The following MPDZ variants were observed in gnomAD, a reference collection of about 807,000 sequenced individuals.
MPDZ encodes multiple PDZ domain protein.
Under a neutral mutation model 239.1 loss-of-function variants are expected in MPDZ, and 234 were observed. That is an observed-to-expected ratio of 0.98 (90% CI 0.88 to 1.09). MPDZ has a LOEUF of 1.09. Among genes scored for constraint, MPDZ ranks in the 50% least tolerant of loss-of-function variants. MPDZ has a pLI of 0.00. For missense variants in MPDZ, 3,175 were observed against 2,510.0 expected, an observed-to-expected ratio of 1.26 and a Z score of -5.66; for synonymous variants, 1,048 against 881.3, an observed-to-expected ratio of 1.19 and a Z score of -3.35.
intron 21 of MPDZ, among the ~76,000 whole-genome samples, 181 bp downstream of exon 21, chr9:13,175,571 A>G (rs1952359761): frequency 6.6e-6 from 1 of 152,200 alleles, no homozygotes; most frequent in Non-Finnish European, 1.5e-5. Flanking sequence ...GCTCATATGA[A>G]GTAAACAAAC....
chr9:13,203,605 C>A (rs1490301381), intron 12 of MPDZ, among the ~76,000 whole-genome samples: 10 of 152,060 alleles, frequency 6.6e-5, no homozygotes. Flanking sequence ...TATCTTACCC[C>A]TTGTCTGAGG....
At chr9:13,226,570 T>C (rs1390299530) in intron 3 of MPDZ, among the ~76,000 whole-genome samples, 1 of 152,110 alleles carries the variant, frequency 6.6e-6, no homozygotes, top group Non-Finnish European at 1.5e-5. Context: ...CCTTATTTCA[T>C]TCAGGTGTGC....
intron 1 of MPDZ, 135 bp from the exon 2 acceptor site, chr9:13,250,507 C>T (rs138951360): frequency 5.8e-4 from 286 of 492,868 alleles, no homozygotes; most frequent in Middle Eastern, 1.0e-3. Context: ...TAAGATAGTT[C>T]GCTTTACAGA....
At chr9:13,274,115 C>T (rs904597783) in intron 1 of MPDZ, among the ~76,000 whole-genome samples, 6 of 152,192 alleles carry the variant, frequency 3.9e-5, no homozygotes, top group Non-Finnish European at 8.8e-5. Context: ...GATCTAATTA[C>T]AGGCAAGCTT....
intron 28 of MPDZ, among the ~76,000 whole-genome samples, chr9:13,139,246 G>T (rs1026033614): frequency 6.6e-6 from 1 of 152,136 alleles, no homozygotes; most frequent in Non-Finnish European, 1.5e-5. Context: ...ATGTACTACA[G>T]CTTTCTTAAA....
At chr9:13,152,439 C>T (rs1021559749) in intron 24 of MPDZ, among the ~76,000 whole-genome samples, 2 of 152,092 alleles carry the variant, frequency 1.3e-5, no homozygotes, top group African/African-American at 4.8e-5. Context: ...GTGAATAAGT[C>T]TCATGAGATC....
chr9:13,271,467 G>A (rs1972936918), intron 1 of MPDZ, among the ~76,000 whole-genome samples: 1 of 152,154 alleles, frequency 6.6e-6, no homozygotes, highest in Admixed American at 6.5e-5. Context: ...TTGTAAATGT[G>A]ACAGAAATGT....
intron 24 of MPDZ, among the ~76,000 whole-genome samples, chr9:13,151,044 A>G (rs926071821): frequency 4.6e-5 from 7 of 152,068 alleles, no homozygotes; most frequent in African/African-American, 1.7e-4. Flanking sequence ...TAAGCACATG[A>G]AAAGATGTTT....
chr9:13,230,530 T>C (rs1962089568), intron 3 of MPDZ, among the ~76,000 whole-genome samples: 2 of 152,196 alleles, frequency 1.3e-5, no homozygotes, highest in South Asian at 2.1e-4. Context: ...AAAGGTCACA[T>C]ACATTATGAT....
chr9:13,169,385 C>A (rs757163921), intron 21 of MPDZ, among the ~76,000 whole-genome samples: 1 of 152,108 alleles, frequency 6.6e-6, no homozygotes, highest in Non-Finnish European at 1.5e-5. Context: ...ACACTACCCT[C>A]CATTATTCAA....
chr9:13,122,137 C>G lies in MPDZ; in HGVS notation c.4987G>C (p.Gly1663Arg). Residue 1663 changes from glycine to arginine, a missense_variant, in exon 37 of 47, where the codon GGA becomes CGA. By Grantham distance (125) the Gly-to-Arg change is moderately radical. Transcript: ENST00000319217. ...AIIIHEVYEE[G>R]AACKDGRLWA... ...AGTCTTCCATCTTTACATGCTGCTC[C>G]TTCTTCATAAACTTCATGGATAATA... 1 of 1,614,016 alleles carries G rather than the reference C, an allele frequency of 6.2e-7. No homozygotes were observed. Among genetic ancestry groups the G allele is most frequent in the East Asian group, 2.2e-5 (1 of 44,878 alleles).
intron 32 of MPDZ, among the ~76,000 whole-genome samples, chr9:13,132,021 A>G (rs1215108748): frequency 6.6e-6 from 1 of 152,214 alleles, no homozygotes; most frequent in Non-Finnish European, 1.5e-5. Flanking sequence ...GCTTTCATCA[A>G]TAAATACATT....
intron 3 of MPDZ, among the ~76,000 whole-genome samples, chr9:13,241,957 T>G (rs1047627339): frequency 4.6e-5 from 7 of 152,168 alleles, no homozygotes; most frequent in African/African-American, 1.7e-4. Context: ...ACTACCTGAC[T>G]ACCTACATTT....
chr9:13,162,188 C>A (rs1950563342), intron 23 of MPDZ, among the ~76,000 whole-genome samples: 1 of 151,376 alleles, frequency 6.6e-6, no homozygotes, highest in Admixed American at 6.6e-5. Flanking sequence ...TGCATGAACC[C>A]AGGAGGTAGA....
intron 35 of MPDZ, among the ~76,000 whole-genome samples, chr9:13,124,181 T>C (rs1224185893): frequency 6.6e-6 from 1 of 152,208 alleles, no homozygotes; most frequent in Non-Finnish European, 1.5e-5. Flanking sequence ...GTGTAAGATA[T>C]TTTCTTTTAT....
chr9:13,256,028 T>C (rs537151880), intron 1 of MPDZ, among the ~76,000 whole-genome samples: 2 of 152,358 alleles, frequency 1.3e-5, no homozygotes, highest in South Asian at 2.1e-4. Flanking sequence ...CCTTCATTAA[T>C]GATCTTAGCT....
At chr9:13,185,542 G>A (rs1377735632) in intron 18 of MPDZ, among the ~76,000 whole-genome samples, 1 of 152,080 alleles carries the variant, frequency 6.6e-6, no homozygotes. Context: ...AATAGTAGGG[G>A]TAATGTGAAC....
Position 13,108,936 on chromosome 9 carries a change from C to G in MPDZ, c.6066G>C (p.Lys2022Asn). The change falls in exon 46 of 47, where the codon AAG becomes AAC. Residue 2022 changes from lysine (K) to asparagine (N), a missense_variant and splice_region_variant. By Grantham distance (94) the Lys-to-Asn change is moderately conservative (BLOSUM62 0). Transcript: ENST00000319217. The stretch of plus-strand genomic sequence containing the variant: ...GGGTGGTTAAAATTTGCAAGCTTAC[C>G]TTTGCAAACACTGTTTTAACATAAA... ...LPIYVKTVFA[K>N]GAASEDGRLK... 1 of 1,609,962 alleles carries G rather than the reference C, an allele frequency of 6.2e-7. No homozygotes were observed. Among genetic ancestry groups the G allele is most frequent in the South Asian group, 1.1e-5 (1 of 90,588 alleles).
chr9:13,150,782 C>G (rs1949061380), intron 24 of MPDZ, 94 bp from the exon 25 acceptor site: 1 of 788,538 alleles, frequency 1.3e-6, no homozygotes, highest in African/African-American at 1.8e-5. Flanking sequence ...ATATATAACA[C>G]CAAAGGCACA....
Sources: allele counts gnomAD v4.1 joint callset (sites outside exome capture counted in the v4.1 genomes callset), GRCh38; gene constraint gnomAD v4.1.1; transcripts MANE v1.5; gene names NCBI Gene and HGNC (gene_info 2026-07-23, HGNC 2026-07-21).